The following MEGF6 variants were observed in gnomAD, a reference collection of about 807,000 sequenced individuals.
MEGF6 encodes multiple epidermal growth factor-like domains protein 6.
In MEGF6, 184 loss-of-function variants were observed where a neutral mutation model predicts 207.1. The observed-to-expected ratio is 0.89, with a 90% CI of 0.79 to 1.00. The LOEUF (loss-of-function observed/expected upper bound fraction) is 1.00. MEGF6 is among the 50% of genes least tolerant of loss of function. The probability of loss-of-function intolerance (pLI) is 0.00; values close to 1 mark genes in which losing one functional copy is unlikely to be tolerated. For missense variants in MEGF6, 2,282 were observed against 2,202.9 expected (o/e 1.04, Z -0.72); for synonymous variants, 1,038 against 910.0 (o/e 1.14, Z -2.53).
At chr1:3,520,375 T>C (rs1236777279) in intron 5 of MEGF6, among the ~76,000 whole-genome samples, 1 of 152,238 alleles carries the variant, frequency 6.6e-6, no homozygotes, top group African/African-American at 2.4e-5. Context: ...GCTGGCACTC[T>C]GCAGGGTGTC....
chr1:3,578,168 G>T (rs1392361708), intron 4 of MEGF6, among the ~76,000 whole-genome samples: 4 of 152,166 alleles, frequency 2.6e-5, no homozygotes, highest in Non-Finnish European at 5.9e-5. Context: ...CCTCCCCTAG[G>T]AACAGAGACC....
rs1298492873 is a variant in MEGF6, at chr1:3,512,107, C to T, written c.875G>A (p.Gly292Glu). The change falls in exon 8 of 37, where the codon GGG (glycine) becomes GAG (glutamate). Residue 292 changes from glycine (G) to glutamate (E), a missense_variant. Gly to Glu is a moderately conservative substitution (Grantham distance 98). Transcript: ENST00000356575. The stretch of plus-strand genomic sequence containing the variant: ...GCAGCCATGGGCACACTGGGCCAGC[C>T]CTGCGGCACATTCGTCCACATCTGG... ...ACEDVDECAA[G>E]LAQCAHGCLN... 1 of 1,609,194 alleles carries T rather than the reference C, an allele frequency of 6.2e-7. No individual in the cohort carries two copies. Among genetic ancestry groups the T allele is most frequent in the East Asian group, 2.2e-5 (1 of 44,740 alleles).
chr1:3,553,486 C>T (rs983971101), intron 4 of MEGF6, among the ~76,000 whole-genome samples: 3 of 152,182 alleles, frequency 2.0e-5, no homozygotes, highest in Non-Finnish European at 2.9e-5. Flanking sequence ...GCTGGAGCCA[C>T]GGGAGAGAGG....
Position 3,488,736 on chromosome 1 carries a change from T to C in MEGF6, c.*1792A>G, listed in dbSNP as rs1640237618. Reference sequence around the variant, plus strand: ...ACGTATAGTCTGAGGTCAATTTGATTCCCATTCTTTTTTCTCTGGGACTTT... The same window carrying C: ...ACGTATAGTCTGAGGTCAATTTGATCCCCATTCTTTTTTCTCTGGGACTTT... On this transcript the variant is annotated 3_prime_UTR_variant, in exon 37 of 37. Coordinates refer to ENST00000356575, the MANE Select transcript of MEGF6 (RefSeq NM_001409.4). Among the ~76,000 whole-genome samples the C allele has an allele frequency of 6.6e-6, 1 of 152,256 alleles. No individual in the cohort carries two copies. Among genetic ancestry groups the C allele is most frequent in the African/African-American group, 2.4e-5 (1 of 41,462 alleles).
At chr1:3,508,710 G>A in intron 12 of MEGF6, 21 bp from the exon 13 acceptor site, 3 of 1,611,360 alleles carry the variant, frequency 1.9e-6, no homozygotes, top group Non-Finnish European at 2.5e-6. Context: ...ACCAGGATGG[G>A]GGGATTCAGA....
intron 4 of MEGF6, among the ~76,000 whole-genome samples, chr1:3,559,387 T>C (rs2101631328): frequency 6.6e-6 from 1 of 152,034 alleles, no homozygotes; most frequent in South Asian, 2.1e-4. Context: ...CCCAGCAAGG[T>C]AGCACACACC....
intron 26 of MEGF6, 108 bp downstream of exon 26, chr1:3,498,263 C>T: frequency 1.5e-6 from 2 of 1,359,472 alleles, no homozygotes; most frequent in Non-Finnish European, 2.0e-6. Flanking sequence ...GACAACAGGT[C>T]CCCTGGTGAG....
At chr1:3,508,873 G>A (rs1417447508) in intron 12 of MEGF6, among the ~76,000 whole-genome samples, 184 bp from the exon 13 acceptor site, 1 of 152,200 alleles carries the variant, frequency 6.6e-6, no homozygotes, top group African/African-American at 2.4e-5. Flanking sequence ...TGGAAGCTGT[G>A]AGCCCGGTCC....
rs145133905 is a variant in MEGF6, at chr1:3,563,692, C to A, written c.481+16133G>T. 5.2e-3 allele frequency among the ~76,000 whole-genome samples: 793 copies of A among 152,326 alleles called. 6 individuals are homozygous for A. The highest frequency in any genetic ancestry group is 0.018 in the African/African-American group (767 of 41,574). On this transcript the variant is annotated intron_variant, in intron 4 of 36. Transcript: ENST00000356575. ...TCCCCCTCTGGCTCCCCTGACACCC[C>A]TAAGAAAGAGAGACGAGGCTGATGT...
chr1:3,563,511 C>T (rs1339422653), intron 4 of MEGF6, among the ~76,000 whole-genome samples: 1 of 152,254 alleles, frequency 6.6e-6, no homozygotes, highest in Non-Finnish European at 1.5e-5. Context: ...GCCATGCCTG[C>T]TCGGCCACCA....
rs1220859274 is a variant in MEGF6 at position 3,508,677 on chromosome 1, T to C, written c.1541A>G (p.Asp514Gly). 6.2e-7 allele frequency: 1 copy of C among 1,612,852 alleles called. No homozygotes were observed. The highest frequency in any genetic ancestry group is 2.2e-5 in the East Asian group (1 of 44,846). Residue 514 changes from aspartate to glycine, a missense_variant, in exon 13 of 37, where the codon GAC (aspartate) becomes GGC (glycine). Physicochemically the swap from Asp to Gly is moderately conservative, Grantham distance 94. Coordinates refer to ENST00000356575, the MANE Select transcript of MEGF6 (RefSeq NM_001409.4). ...CAAGCTGCAGTCATGGCCAAAGGAG[T>C]CATCCAGGCAGACTGGGGGCAGACC... is the stretch of plus-strand genomic sequence containing the variant. The part of the protein sequence containing the change: ...TLTEKFVCLD[D>G]SFGHDCSLTC...
intron 4 of MEGF6, among the ~76,000 whole-genome samples, chr1:3,541,314 C>T (rs531297871): frequency 9.8e-5 from 15 of 152,336 alleles, no homozygotes; most frequent in Admixed American, 2.6e-4. Flanking sequence ...ACCACTCTTC[C>T]GGTTCAGCAA....
chr1:3,528,284 G>A (rs566109201), intron 4 of MEGF6, among the ~76,000 whole-genome samples: 3 of 152,310 alleles, frequency 2.0e-5, no homozygotes, highest in South Asian at 4.1e-4. Context: ...AGGTAGGAAC[G>A]CGTCACCCAA....
At position 3,492,724 on chromosome 1, in the gene MEGF6, A is replaced by G. The variant is rs1045245700; in HGVS notation, c.4431T>C (p.Cys1477=). The part of the protein sequence containing the change: ...GQFGPSCTLH[C]DCGGGADCDP... ...CGCAGTCAGCCCCACCCCCGCAGTCACAGTGCAGGGTGCAGCTGGGCCCAA... is the reference window on the plus strand; with the variant it reads ...CGCAGTCAGCCCCACCCCCGCAGTCGCAGTGCAGGGTGCAGCTGGGCCCAA... The change falls in exon 35 of 37, where the codon TGT becomes TGC. Residue 1477 remains cysteine, a synonymous_variant. Coordinates refer to ENST00000356575, the MANE Select transcript of MEGF6 (RefSeq NM_001409.4). The G allele has an allele frequency of 3.7e-6, 6 of 1,612,470 alleles. No individual in the cohort carries two copies. In the South Asian group the frequency reaches 6.6e-5, roughly 18 times the overall value.
At chr1:3,522,600 G>T (rs1252305936) in intron 5 of MEGF6, among the ~76,000 whole-genome samples, 1 of 151,928 alleles carries the variant, frequency 6.6e-6, no homozygotes, top group Non-Finnish European at 1.5e-5. Context: ...GTGATGGGTG[G>T]GTGGGCAGTG....
In MEGF6 at chr1:3,509,202, G is replaced by A. The variant is rs780082375; in HGVS notation, c.1401C>T (p.Phe467=). The A allele has an allele frequency of 2.2e-5, 35 of 1,562,878 alleles. 1 individual carries two copies. Among genetic ancestry groups the A allele is most frequent in the South Asian group, 2.1e-4 (18 of 85,450 alleles). ...PMVDLDGELP[F]VRPLPHIAVL... ...CGGCAATGTGGGGCAGGGGCCGCAC[G>A]AAAGGCAGCTCGCCGTCCAGGTCCA... The change falls in exon 12 of 37, where the codon TTC becomes TTT. Residue 467 remains phenylalanine, a synonymous_variant. Transcript: ENST00000356575.
intron 4 of MEGF6, among the ~76,000 whole-genome samples, chr1:3,538,359 T>C (rs1642396765): frequency 6.6e-6 from 1 of 152,206 alleles, no homozygotes; most frequent in African/African-American, 2.4e-5. Context: ...ACACAGGGCC[T>C]GGCAGGGGCC....
intron 5 of MEGF6, among the ~76,000 whole-genome samples, chr1:3,520,737 G>T (rs894242844): frequency 6.6e-6 from 1 of 152,190 alleles, no homozygotes; most frequent in South Asian, 2.1e-4. Context: ...TTTTGAGAGG[G>T]GAACCCTTTT....
At chr1:3,493,690 C>T in intron 34 of MEGF6, 81 bp downstream of exon 34, 2 of 1,546,442 alleles carry the variant, frequency 1.3e-6, no homozygotes, top group East Asian at 2.3e-5. Flanking sequence ...AGGACTGGCA[C>T]AGGTAGGGCC....
Sources: allele counts gnomAD v4.1 joint callset (sites outside exome capture counted in the v4.1 genomes callset), GRCh38; gene constraint gnomAD v4.1.1; transcripts MANE v1.5; gene names NCBI Gene and HGNC (gene_info 2026-07-23, HGNC 2026-07-21).